The following SDK1 variants were observed in gnomAD, a reference collection of about 807,000 sequenced individuals.
SDK1 encodes sidekick cell adhesion molecule 1.
Under a neutral mutation model 245.5 loss-of-function variants are expected in SDK1, and 157 were observed. The observed-to-expected ratio is 0.64, with a 90% confidence interval of 0.56 to 0.73. The LOEUF (loss-of-function observed/expected upper bound fraction) is 0.73, where lower values mean the gene tolerates loss of function less well. Ranked by LOEUF, SDK1 falls within the 30% of genes least tolerant of loss-of-function variation. SDK1 has a pLI of 0.00. For missense variants in SDK1, 3,583 were observed against 3,002.3 expected (o/e 1.19, Z -4.52); for synonymous variants, 1,647 against 1,278.5 (o/e 1.29, Z -6.15).
intron 5 of SDK1, among the ~76,000 whole-genome samples, chr7:3,821,851 C>T (rs1434782388): frequency 6.6e-6 from 1 of 151,974 alleles, no homozygotes; most frequent in Non-Finnish European, 1.5e-5. Context: ...GCTTTTTATA[C>T]ACAGTCAATG....
intron 1 of SDK1, among the ~76,000 whole-genome samples, chr7:3,539,221 A>G (rs1306676179): frequency 2.6e-5 from 4 of 152,296 alleles, no homozygotes; most frequent in East Asian, 3.9e-4. Context: ...GGACCTATCA[A>G]GGAGTTGGAG....
At chr7:3,569,941 C>G (rs1210806144) in intron 1 of SDK1, among the ~76,000 whole-genome samples, 9 of 152,132 alleles carry the variant, frequency 5.9e-5, no homozygotes, top group African/African-American at 1.9e-4. Flanking sequence ...CCTCTGTCTC[C>G]CAGAAGTTCA....
intron 1 of SDK1, among the ~76,000 whole-genome samples, chr7:3,518,599 C>T (rs970400654): frequency 1.3e-5 from 2 of 151,820 alleles, no homozygotes; most frequent in African/African-American, 2.4e-5. Context: ...CATCACTAAT[C>T]AGGGAAATGC....
intron 4 of SDK1, among the ~76,000 whole-genome samples, chr7:3,686,683 C>A (rs995097292): frequency 6.6e-5 from 10 of 152,174 alleles, no homozygotes; most frequent in African/African-American, 2.2e-4. Context: ...AAAGAAGCTA[C>A]GACTCTGTTG....
intron 2 of SDK1, among the ~76,000 whole-genome samples, chr7:3,620,626 G>C (rs1023529120): frequency 6.6e-6 from 1 of 152,082 alleles, no homozygotes; most frequent in Non-Finnish European, 1.5e-5. Context: ...ACATTTGACA[G>C]TTCTAAGATT....
chr7:3,821,367 A>C, intron 4 of SDK1, 83 bp from the exon 5 acceptor site: 2 of 1,466,542 alleles, frequency 1.4e-6, no homozygotes, highest in Non-Finnish European at 1.8e-6. Flanking sequence ...GCATTCCTTT[A>C]TAGTTGGCCT....
At chr7:3,419,092 G>T (rs1040193422) in intron 1 of SDK1, among the ~76,000 whole-genome samples, 2 of 152,200 alleles carry the variant, frequency 1.3e-5, no homozygotes, top group African/African-American at 2.4e-5. Flanking sequence ...ATCTGCATTT[G>T]ATTGAAATGC....
intron 4 of SDK1, among the ~76,000 whole-genome samples, chr7:3,732,783 T>C (rs933436476): frequency 6.6e-6 from 1 of 152,216 alleles, no homozygotes. Context: ...AAGCCTCATA[T>C]GGCCATGGTT....
chr7:3,315,948 C>G (rs1050680407), intron 1 of SDK1, among the ~76,000 whole-genome samples: 28 of 152,130 alleles, frequency 1.8e-4, no homozygotes, highest in African/African-American at 6.3e-4. Flanking sequence ...ATAAAAAACT[C>G]CTTTGAAAGA....
intron 5 of SDK1, among the ~76,000 whole-genome samples, chr7:3,835,454 C>T (rs376946097): frequency 2.0e-5 from 3 of 152,174 alleles, no homozygotes; most frequent in Non-Finnish European, 4.4e-5. Flanking sequence ...ATGGGCTTTA[C>T]TACGTTGCTG....
intron 2 of SDK1, among the ~76,000 whole-genome samples, chr7:3,633,105 G>C (rs1053308943): frequency 6.6e-6 from 1 of 151,800 alleles, no homozygotes; most frequent in Non-Finnish European, 1.5e-5. Context: ...ATAAGAATAG[G>C]CTTTGGTCCA....
intron 39 of SDK1, 150 bp from the exon 40 acceptor site, chr7:4,221,089 A>T: frequency 1.1e-6 from 1 of 898,478 alleles, no homozygotes; most frequent in East Asian, 2.8e-5. Context: ...TGTTATTAAG[A>T]TGAAAAACCC....
chr7:3,945,495 C>G (rs1780538505), intron 5 of SDK1, among the ~76,000 whole-genome samples: 1 of 151,892 alleles, frequency 6.6e-6, no homozygotes, highest in South Asian at 2.1e-4. Context: ...GTATTTCACC[C>G]ATGAAACAAG....
At chr7:3,633,310 T>A (rs1207228159) in intron 2 of SDK1, among the ~76,000 whole-genome samples, 2 of 152,214 alleles carry the variant, frequency 1.3e-5, no homozygotes, top group Non-Finnish European at 2.9e-5. Context: ...TTTTTTCTTA[T>A]GAATCAAATT....
intron 13 of SDK1, among the ~76,000 whole-genome samples, chr7:3,982,871 G>T (rs35968641): frequency 0.46 from 69,840 of 151,786 alleles, 17,466 homozygotes; most frequent in South Asian, 0.64. Context: ...TGTGATTCAT[G>T]GGAGGAGATC....
chr7:3,714,989 A>C (rs1785157694), intron 4 of SDK1, among the ~76,000 whole-genome samples: 1 of 152,214 alleles, frequency 6.6e-6, no homozygotes, highest in Non-Finnish European at 1.5e-5. Flanking sequence ...TGTAGCATTA[A>C]AACTCAATTA....
intron 13 of SDK1, among the ~76,000 whole-genome samples, chr7:3,983,157 T>TTCA (rs1395272380): frequency 1.3e-5 from 2 of 152,172 alleles, no homozygotes; most frequent in Admixed American, 6.5e-5. Context: ...ATTGTTGAAA[T>TTCA]GGCAACAAGG....
At chr7:3,886,554 G>T (rs1286260344) in intron 5 of SDK1, among the ~76,000 whole-genome samples, 3 of 152,204 alleles carry the variant, frequency 2.0e-5, no homozygotes, top group East Asian at 3.9e-4. Flanking sequence ...GAGTTCACCA[G>T]TTGTTCAGTG....
intron 1 of SDK1, among the ~76,000 whole-genome samples, chr7:3,362,804 T>A (rs182773188): frequency 6.6e-6 from 1 of 152,218 alleles, no homozygotes; most frequent in Non-Finnish European, 1.5e-5. Context: ...TATACTTTTA[T>A]AGTTTTCCAT....
Sources: allele counts gnomAD v4.1 joint callset (sites outside exome capture counted in the v4.1 genomes callset), GRCh38; gene constraint gnomAD v4.1.1; transcripts MANE v1.5; gene names NCBI Gene and HGNC (gene_info 2026-07-23, HGNC 2026-07-21).